WDR27: variants seen among roughly 807,000 people sequenced by gnomAD.
The protein encoded by WDR27 is WD repeat domain 27.
Under a neutral mutation model 114.4 loss-of-function variants are expected in WDR27, and 100 were observed. The ratio of observed to expected loss-of-function variants is 0.87; its 90% CI spans 0.74 to 1.03. The LOEUF (loss-of-function observed/expected upper bound fraction) is 1.03. WDR27 is among the 50% of genes least tolerant of loss of function. The pLI, the probability that WDR27 is intolerant of heterozygous loss-of-function variation, is 0.00. For missense variants in WDR27, 1,129 were observed against 1,092.9 expected (o/e 1.03, Z -0.47); for synonymous variants, 449 against 423.1 (o/e 1.06, Z -0.75).
chr6:169,482,832 ACTCT>A (rs1788374914), intron 25 of WDR27, among the ~76,000 whole-genome samples: 1 of 152,018 alleles, frequency 6.6e-6, no homozygotes. Context: ...CATACCAACT[ACTCT>A]CTCTGACCAT....
intron 22 of WDR27, among the ~76,000 whole-genome samples, chr6:169,612,631 T>TAAAA (rs59134868): frequency 0.032 from 3,109 of 96,960 alleles, 243 homozygotes; most frequent in African/African-American, 0.11. Context: ...CTGTCTAACA[T>TAAAA]AAAAAAAAAA....
At chr6:169,436,835 A>G in the WDR27 span, among the ~76,000 whole-genome samples, 1 of 152,126 alleles carries the variant, frequency 6.6e-6, no homozygotes, top group Admixed American at 6.5e-5. Context: ...TGGTCAATTA[A>G]TATCATGTCC....
chr6:169,639,898 G>A (rs758626907), intron 17 of WDR27, among the ~76,000 whole-genome samples: 9 of 152,166 alleles, frequency 5.9e-5, no homozygotes, highest in East Asian at 1.9e-4. Flanking sequence ...AAGCAAAGAC[G>A]ACCAGGGATG....
chr6:169,504,724 C>T lies in WDR27; in HGVS notation c.2646-47090G>A, dbSNP rs1394131726. On this transcript the variant is annotated intron_variant, in intron 25 of 25. Coordinates refer to ENST00000448612, the MANE Select transcript of WDR27 (RefSeq NM_182552.5). Reference sequence around the variant, plus strand: ...CCCAGGCTCAAGCGATCCTGCCTCGCTTGGGAAAAAGCCTCCTGAGTAGCT... The same window carrying T: ...CCCAGGCTCAAGCGATCCTGCCTCGTTTGGGAAAAAGCCTCCTGAGTAGCT... Among the ~76,000 whole-genome samples, 6 of 152,148 alleles carry T rather than the reference C, an allele frequency of 3.9e-5. No individual in the cohort carries two copies. In the East Asian group the frequency reaches 9.7e-4, roughly 25 times the overall value.
chr6:169,631,163 C>T (rs1176562335), intron 21 of WDR27, among the ~76,000 whole-genome samples: 1 of 152,126 alleles, frequency 6.6e-6, no homozygotes, highest in African/African-American at 2.4e-5. Flanking sequence ...TGAAGTATGC[C>T]GTTTTCATAG....
intron 25 of WDR27, among the ~76,000 whole-genome samples, chr6:169,540,639 T>C (rs897428068): frequency 2.0e-5 from 3 of 152,110 alleles, no homozygotes; most frequent in African/African-American, 7.2e-5. Context: ...CATTTTTTGG[T>C]CAGGCTAGTC....
intron 25 of WDR27, among the ~76,000 whole-genome samples, chr6:169,489,467 G>C (rs377065352): frequency 2.0e-5 from 3 of 152,208 alleles, no homozygotes; most frequent in Non-Finnish European, 2.9e-5. Context: ...ACAGATTTCG[G>C]AGAACGAAGG....
intron 23 of WDR27, among the ~76,000 whole-genome samples, chr6:169,592,267 G>A (rs75667287): frequency 0.022 from 3,284 of 151,866 alleles, 72 homozygotes; most frequent in East Asian, 0.087. Flanking sequence ...TGTTGGGGGA[G>A]TGTTAAATCT....
intron 25 of WDR27, among the ~76,000 whole-genome samples, chr6:169,470,904 C>T (rs1786289193): frequency 6.6e-6 from 1 of 152,060 alleles, no homozygotes; most frequent in Non-Finnish European, 1.5e-5. Flanking sequence ...CTGTCTGACT[C>T]CTATATCTAA....
chr6:169,462,202 C>T (rs2115274867), intron 25 of WDR27, among the ~76,000 whole-genome samples: 1 of 151,676 alleles, frequency 6.6e-6, no homozygotes. Context: ...GTAATCTCAG[C>T]ACTTTGGGAG....
chr6:169,567,854 C>G (rs1220553403), intron 25 of WDR27, among the ~76,000 whole-genome samples: 1 of 152,152 alleles, frequency 6.6e-6, no homozygotes, highest in African/African-American at 2.4e-5. Context: ...AGTCGGAATC[C>G]CACAGAAGAG....
intron 2 of WDR27, among the ~76,000 whole-genome samples, chr6:169,688,190 C>T (rs1783525842): frequency 6.6e-6 from 1 of 151,996 alleles, no homozygotes; most frequent in East Asian, 1.9e-4. Flanking sequence ...CTAATAAATC[C>T]TAATACTGTG....
At chr6:169,566,036 A>G (rs916772854) in intron 25 of WDR27, among the ~76,000 whole-genome samples, 1 of 152,198 alleles carries the variant, frequency 6.6e-6, no homozygotes, top group Admixed American at 6.5e-5. Flanking sequence ...GTTGTTATTC[A>G]TTAGAAGAAA....
At chr6:169,526,624 T>C (rs1035525177) in intron 25 of WDR27, among the ~76,000 whole-genome samples, 3 of 150,894 alleles carry the variant, frequency 2.0e-5, no homozygotes, top group Non-Finnish European at 4.4e-5. Flanking sequence ...GAACAATAAA[T>C]AAAAATAAAA....
intron 23 of WDR27, among the ~76,000 whole-genome samples, chr6:169,587,569 C>A (rs1171721767): frequency 2.0e-5 from 3 of 152,216 alleles, no homozygotes; most frequent in African/African-American, 7.2e-5. Context: ...GCCTCTTGGT[C>A]AGCAGAAGCT....
In WDR27 at chr6:169,633,037, G is replaced by C. The variant is rs751889898; in HGVS notation, c.2133C>G (p.Thr711=). The C allele has an allele frequency of 1.9e-6, 3 of 1,591,968 alleles. No individual in the cohort carries two copies. The highest frequency in any genetic ancestry group is 1.3e-5 in the African/African-American group (1 of 74,594). The change falls in exon 21 of 26, where the codon ACC becomes ACG. Residue 711 remains threonine, a synonymous_variant. Coordinates refer to ENST00000448612, the MANE Select transcript of WDR27 (RefSeq NM_182552.5). The part of the protein sequence containing the change: ...HIVLAAGRNR[T]VEVFDLNAGC... ...CGGCGTTGAGGTCAAACACTTCCAC[G>C]GTCCTGTTCCGGCCAGCTGCGAGTA...
At chr6:169,497,841 C>T (rs1405958799) in intron 25 of WDR27, among the ~76,000 whole-genome samples, 1 of 152,044 alleles carries the variant, frequency 6.6e-6, no homozygotes, top group Non-Finnish European at 1.5e-5. Flanking sequence ...AACAGCATGG[C>T]ATTTTTTTCC....
rs1253061634 is a variant in WDR27, at chr6:169,602,242, C to A, written c.2401G>T (p.Ala801Ser). The change falls in exon 23 of 26, where the codon GCT (alanine) becomes TCT (serine). Residue 801 changes from alanine to serine, a missense_variant. By Grantham distance (99) the Ala-to-Ser change is moderately conservative. Transcript: ENST00000448612. ...IAFSPCGRFA[A>S]CGAEDRHAYV... is the part of the protein sequence containing the mutation. Reference sequence around the variant, plus strand: ...ACGTGTCTGTCCTCGGCCCCACAAGCCGCGAATCGTCCACAAGGACTGAAA... The same window carrying A: ...ACGTGTCTGTCCTCGGCCCCACAAGACGCGAATCGTCCACAAGGACTGAAA... 2.2e-5 allele frequency: 35 copies of A among 1,560,686 alleles called. No individual in the cohort carries two copies. The highest frequency in any genetic ancestry group is 7.2e-5 in the East Asian group (3 of 41,948).
intron 23 of WDR27, among the ~76,000 whole-genome samples, chr6:169,595,679 T>G (rs79353361): frequency 0.014 from 2,089 of 152,286 alleles, 52 homozygotes; most frequent in African/African-American, 0.048. Context: ...CAAAGTATTC[T>G]GGTACCTTCA....
Sources: gnomAD v4.1 joint callset for allele counts (sites outside exome capture counted in the v4.1 genomes callset) on GRCh38, gnomAD v4.1.1 for gene constraint, MANE v1.5 for transcripts, NCBI Gene and HGNC (gene_info 2026-07-23, HGNC 2026-07-21) for gene names.